C9: variants seen among roughly 807,000 people sequenced by gnomAD.
The protein encoded by C9 is complement component C9.
In C9, 63 loss-of-function variants were observed where a neutral mutation model predicts 65.4. That is an observed-to-expected ratio of 0.96 (90% CI 0.79 to 1.19). The LOEUF is 1.19. Among genes scored for constraint, C9 ranks in the 50% most tolerant of loss-of-function variants. The probability of loss-of-function intolerance (pLI) is 0.00; values close to 1 mark genes in which losing one functional copy is unlikely to be tolerated. For synonymous variants in C9, 229 were observed against 227.9 expected (o/e 1.00, Z -0.04); for missense variants, 744 against 670.1 (o/e 1.11, Z -1.22).
intron 8 of C9, among the ~76,000 whole-genome samples, chr5:39,307,419 T>C (rs1753401599): frequency 6.6e-6 from 1 of 152,108 alleles, no homozygotes; most frequent in African/African-American, 2.4e-5. Flanking sequence ...AGAGGTGGAG[T>C]GACTAGTCAG....
At chr5:39,360,231 A>T (rs982313266) in intron 1 of C9, among the ~76,000 whole-genome samples, 2 of 152,130 alleles carry the variant, frequency 1.3e-5, no homozygotes, top group Admixed American at 6.5e-5. Context: ...ATCTCACTTA[A>T]TTCTTATATC....
intron 6 of C9, among the ~76,000 whole-genome samples, chr5:39,315,171 T>A (rs1753548662): frequency 6.6e-6 from 1 of 152,172 alleles, no homozygotes; most frequent in Admixed American, 6.5e-5. Context: ...TCTAAATAAG[T>A]GACTGTGGTA....
chr5:39,340,385 AC>A (rs896829052), intron 4 of C9, among the ~76,000 whole-genome samples: 7 of 152,142 alleles, frequency 4.6e-5, no homozygotes, highest in Admixed American at 3.9e-4. Context: ...CAACAAATCC[AC>A]CTTTACCAAA....
intron 5 of C9, among the ~76,000 whole-genome samples, chr5:39,325,322 A>G (rs10051568): frequency 6.6e-6 from 1 of 152,136 alleles, no homozygotes; most frequent in African/African-American, 2.4e-5. Flanking sequence ...TTGGGGTAAT[A>G]TGACAGTAAA....
chr5:39,310,167 G>T (rs1195117448), intron 7 of C9, among the ~76,000 whole-genome samples: 2 of 152,122 alleles, frequency 1.3e-5, no homozygotes, highest in African/African-American at 2.4e-5. Flanking sequence ...TATCCATAAA[G>T]TATTTGCTGA....
chr5:39,335,438 T>C (rs1380222809), intron 4 of C9, among the ~76,000 whole-genome samples: 1 of 152,232 alleles, frequency 6.6e-6, no homozygotes, highest in Non-Finnish European at 1.5e-5. Context: ...TCTGTGCCTG[T>C]GGATTCAACC....
intron 7 of C9, among the ~76,000 whole-genome samples, chr5:39,310,166 A>G (rs1251125176): frequency 2.0e-5 from 3 of 152,152 alleles, no homozygotes; most frequent in Non-Finnish European, 4.4e-5. Context: ...TTATCCATAA[A>G]GTATTTGCTG....
chr5:39,306,531 A>C, intron 9 of C9, 86 bp downstream of exon 9: 1 of 1,064,442 alleles, frequency 9.4e-7, no homozygotes, highest in South Asian at 1.3e-5. Flanking sequence ...TCTCTTTCAG[A>C]TGAAGCTAAC....
At chr5:39,290,786 C>G (rs764424824) in intron 9 of C9, among the ~76,000 whole-genome samples, 1 of 151,706 alleles carries the variant, frequency 6.6e-6, no homozygotes, top group African/African-American at 2.4e-5. Context: ...TAGAGCAACA[C>G]ATTACTGAGC....
intron 9 of C9, among the ~76,000 whole-genome samples, chr5:39,303,402 G>T (rs1413694208): frequency 1.3e-5 from 2 of 151,992 alleles, no homozygotes; most frequent in Non-Finnish European, 2.9e-5. Context: ...GTTTGACAAA[G>T]CAGACAAATG....
At chr5:39,310,393 A>C (rs1753459577) in intron 7 of C9, among the ~76,000 whole-genome samples, 1 of 152,188 alleles carries the variant, frequency 6.6e-6, no homozygotes, top group Non-Finnish European at 1.5e-5. Context: ...AATTACTCAC[A>C]ACATGAATGA....
intron 6 of C9, among the ~76,000 whole-genome samples, chr5:39,313,225 TCA>T (rs1753517807): frequency 6.6e-6 from 1 of 152,218 alleles, no homozygotes; most frequent in Non-Finnish European, 1.5e-5. Flanking sequence ...CAAAATTTAT[TCA>T]GTTTTCTATA....
chr5:39,325,502 C>T (rs963809635), intron 5 of C9, among the ~76,000 whole-genome samples: 67 of 152,150 alleles, frequency 4.4e-4, no homozygotes, highest in Non-Finnish European at 7.2e-4. Context: ...TCGCCAGGCG[C>T]GGTTGCTCAC....
In C9 at chr5:39,305,482, C is replaced by G. The variant is rs561931218; in HGVS notation, c.1416+1135G>C. Among the ~76,000 whole-genome samples the G allele has an allele frequency of 3.4e-4, 52 of 152,086 alleles. 1 individual carries two copies. The South Asian group carries it at 0.01, about 30-fold the overall frequency. ...TAAAATTTCTGTAACTCAAGTTAAT[C>G]AAACTGGAGTAGGGAGCAGTCAAAA... On this transcript the variant is annotated intron_variant, in intron 9 of 10. Coordinates refer to ENST00000263408, the MANE Select transcript of C9 (RefSeq NM_001737.5).
intron 4 of C9, among the ~76,000 whole-genome samples, chr5:39,335,830 GT>G (rs1753954252): frequency 6.6e-6 from 1 of 151,866 alleles, no homozygotes; most frequent in African/African-American, 2.4e-5. Flanking sequence ...TTTGATATGG[GT>G]TTTGAGGGGT....
chr5:39,293,334 A>C (rs1233543088), intron 9 of C9, among the ~76,000 whole-genome samples: 2 of 152,006 alleles, frequency 1.3e-5, no homozygotes, highest in Non-Finnish European at 2.9e-5. Context: ...TCACCTGTAA[A>C]GACATACATA....
At chr5:39,328,065 G>A (rs1393530724) in intron 5 of C9, among the ~76,000 whole-genome samples, 4 of 152,094 alleles carry the variant, frequency 2.6e-5, no homozygotes, top group African/African-American at 9.7e-5. Flanking sequence ...CAGAGTGGAA[G>A]GAAAAAGAGG....
intron 9 of C9, among the ~76,000 whole-genome samples, chr5:39,304,501 T>C (rs1753339336): frequency 6.6e-6 from 1 of 152,170 alleles, no homozygotes; most frequent in Non-Finnish European, 1.5e-5. Context: ...ACCTGAATTA[T>C]GAGAGTAAAA....
chr5:39,357,964 A>G (rs922897946), intron 1 of C9, among the ~76,000 whole-genome samples: 2 of 149,668 alleles, frequency 1.3e-5, no homozygotes, highest in African/African-American at 4.9e-5. Flanking sequence ...CATGGGGTGG[A>G]GAGAGAGAGA....
Sources: gnomAD v4.1 joint callset for allele counts (sites outside exome capture counted in the v4.1 genomes callset) on GRCh38, gnomAD v4.1.1 for gene constraint, MANE v1.5 for transcripts, NCBI Gene and HGNC (gene_info 2026-07-23, HGNC 2026-07-21) for gene names.